Variants in RASSF6 observed in about 807,000 individuals in gnomAD.
The protein encoded by RASSF6 is ras association domain-containing protein 6.
In RASSF6, 52 loss-of-function variants were observed where a neutral mutation model predicts 44.0. The ratio of observed to expected loss-of-function variants is 1.18; its 90% confidence interval spans 0.95 to 1.49. RASSF6 has a LOEUF of 1.49. RASSF6 is among the 40% of genes most tolerant of loss of function. The pLI is 0.00. For synonymous variants in RASSF6, 162 were observed against 124.6 expected (o/e 1.30, Z -2.00); for missense variants, 464 against 393.3 (o/e 1.18, Z -1.52).
intron 2 of RASSF6, among the ~76,000 whole-genome samples, chr4:73,609,178 C>T (rs1486742775): frequency 1.3e-5 from 2 of 152,208 alleles, no homozygotes; most frequent in South Asian, 2.1e-4. Flanking sequence ...TATTCTAAAA[C>T]TGGATTTAAA....
intron 5 of RASSF6, among the ~76,000 whole-genome samples, chr4:73,586,155 A>G (rs1184769692): frequency 6.6e-6 from 1 of 151,736 alleles, no homozygotes; most frequent in Non-Finnish European, 1.5e-5. Flanking sequence ...CAAAAGGAAT[A>G]GTATGCTTTG....
chr4:73,579,627 G>T (rs555197950), intron 8 of RASSF6, among the ~76,000 whole-genome samples: 10 of 151,690 alleles, frequency 6.6e-5, no homozygotes, highest in African/African-American at 2.2e-4. Context: ...TATTTTTATC[G>T]GATTGTCTGT....
intron 1 of RASSF6, among the ~76,000 whole-genome samples, chr4:73,619,110 T>C (rs1183958593): frequency 6.6e-6 from 1 of 152,212 alleles, no homozygotes; most frequent in African/African-American, 2.4e-5. Context: ...TTATATGGTC[T>C]AAATTGATGA....
intron 4 of RASSF6, among the ~76,000 whole-genome samples, chr4:73,591,670 G>A (rs558113812): frequency 3.3e-5 from 5 of 152,164 alleles, no homozygotes; most frequent in South Asian, 2.1e-4. Context: ...CCTCCCTTCC[G>A]TTCTTCCTTA....
intron 2 of RASSF6, among the ~76,000 whole-genome samples, chr4:73,608,459 T>C (rs974872581): frequency 6.6e-6 from 1 of 152,216 alleles, no homozygotes; most frequent in Non-Finnish European, 1.5e-5. Context: ...CATGATGACG[T>C]TATTGACCCT....
intron 3 of RASSF6, among the ~76,000 whole-genome samples, chr4:73,596,651 A>C (rs893456482): frequency 6.6e-6 from 1 of 152,244 alleles, no homozygotes; most frequent in African/African-American, 2.4e-5. Flanking sequence ...AATCCAAAAC[A>C]GCCTGAATAG....
intron 5 of RASSF6, among the ~76,000 whole-genome samples, chr4:73,587,277 G>T (rs7665563): frequency 0.28 from 42,221 of 151,806 alleles, 6,095 homozygotes; most frequent in Admixed American, 0.41. Flanking sequence ...CCATTGGTTT[G>T]CCAAGTTCAG....
At chr4:73,608,787 G>A (rs1725817040) in intron 2 of RASSF6, among the ~76,000 whole-genome samples, 1 of 152,214 alleles carries the variant, frequency 6.6e-6, no homozygotes. Context: ...GGGGCATGCA[G>A]TGTTTGCTCC....
At chr4:73,579,527 A>G (rs1472541313) in intron 8 of RASSF6, among the ~76,000 whole-genome samples, 1 of 152,296 alleles carries the variant, frequency 6.6e-6, no homozygotes, top group Admixed American at 6.5e-5. Flanking sequence ...TTCCTTAGCT[A>G]CTTGCATTTC....
intron 8 of RASSF6, 85 bp from the exon 9 acceptor site, chr4:73,576,816 A>G (rs764901260): frequency 9.2e-6 from 8 of 865,610 alleles, no homozygotes; most frequent in Non-Finnish European, 1.4e-5. Context: ...TATTTTTCGT[A>G]TTTAACTCAC....
intron 2 of RASSF6, among the ~76,000 whole-genome samples, chr4:73,605,092 G>A (rs566210614): frequency 5.9e-5 from 9 of 152,088 alleles, no homozygotes; most frequent in Non-Finnish European, 1.2e-4. Flanking sequence ...GTTTCACCAT[G>A]TTGGCCAGGC....
chr4:73,606,434 C>T (rs117503972), intron 2 of RASSF6, among the ~76,000 whole-genome samples: 6 of 152,172 alleles, frequency 3.9e-5, no homozygotes, highest in Middle Eastern at 3.4e-3. Flanking sequence ...AGAGGGAAAG[C>T]GGCAAGGGCT....
At position 73,620,317 on chromosome 4, in the gene RASSF6, C is replaced by T; in HGVS notation, c.-64G>A. 2 of 1,472,526 alleles carry T rather than the reference C, an allele frequency of 1.4e-6. No individual in the cohort carries two copies. Among genetic ancestry groups the T allele is most frequent in the Non-Finnish European group, 1.8e-6 (2 of 1,115,868 alleles). 91.2% of individuals were successfully genotyped at this position (1,472,526 alleles called of 1,614,324 possible). A position where few individuals can be genotyped will look rare whatever the true frequency, so the allele number is the denominator to read the frequency against. The stretch of plus-strand genomic sequence containing the variant: ...TATTCACACTGTGAGCAGGAGGACC[C>T]TTTTCACCATCGTTGTTCGGCTGAA... On this transcript the variant is annotated 5_prime_UTR_variant, in exon 1 of 11. Coordinates refer to ENST00000307439, the MANE Select transcript of RASSF6 (RefSeq NM_177532.5).
chr4:73,593,620 A>T (rs754598320), intron 3 of RASSF6, 27 bp from the exon 4 acceptor site: 1 of 1,519,608 alleles, frequency 6.6e-7, no homozygotes, highest in Non-Finnish European at 8.9e-7. Flanking sequence ...TAATCCCCCA[A>T]TTGTTTTTGT....
intron 2 of RASSF6, among the ~76,000 whole-genome samples, chr4:73,603,433 G>A (rs1221796542): frequency 1.3e-5 from 2 of 152,090 alleles, no homozygotes; most frequent in African/African-American, 4.8e-5. Context: ...TCTTCATCAT[G>A]GCCCTGGAAG....
In RASSF6 at chr4:73,576,745, A is replaced by G. The variant is rs372489278; in HGVS notation, c.722-14T>C. ...GTCGTCTTTGTTCTGCAGTGAAAAC[A>G]AGAATCAACCACAATCAGAAGTTCA... is the stretch of plus-strand genomic sequence containing the variant. On this transcript the variant is annotated splice_polypyrimidine_tract_variant and intron_variant, in intron 8 of 10. Transcript: ENST00000307439. The G allele has an allele frequency of 3.2e-5, 47 of 1,450,690 alleles. No homozygotes were observed. The highest frequency in any genetic ancestry group is 4.3e-5 in the Non-Finnish European group (45 of 1,045,058). 89.9% of individuals were successfully genotyped at this position (1,450,690 alleles called of 1,614,324 possible).
intron 2 of RASSF6, among the ~76,000 whole-genome samples, chr4:73,599,170 G>C (rs1020648799): frequency 6.6e-6 from 1 of 152,200 alleles, no homozygotes; most frequent in Non-Finnish European, 1.5e-5. Context: ...CCTTGTGTAA[G>C]TCACTTAGTA....
At chr4:73,587,486 G>A (rs1355212403) in intron 5 of RASSF6, among the ~76,000 whole-genome samples, 1 of 151,972 alleles carries the variant, frequency 6.6e-6, no homozygotes, top group African/African-American at 2.4e-5. Context: ...AACATATAAA[G>A]CTATTGGGAA....
At chr4:73,589,965 C>T (rs1454404929) in intron 4 of RASSF6, among the ~76,000 whole-genome samples, 1 of 152,152 alleles carries the variant, frequency 6.6e-6, no homozygotes, top group Non-Finnish European at 1.5e-5. Flanking sequence ...CCAGTTTGTG[C>T]TCTTTATGTT....
Sources: allele counts gnomAD v4.1 joint callset (sites outside exome capture counted in the v4.1 genomes callset), GRCh38; gene constraint gnomAD v4.1.1; transcripts MANE v1.5; gene names NCBI Gene and HGNC (gene_info 2026-07-23, HGNC 2026-07-21).